LITAF: variants seen among roughly 807,000 people sequenced by gnomAD.
The protein encoded by LITAF is lipopolysaccharide-induced tumor necrosis factor-alpha factor.
Under a neutral mutation model 14.5 loss-of-function variants are expected in LITAF, and 9 were observed. The observed-to-expected ratio is 0.62, with a 90% CI of 0.37 to 1.08. The LOEUF (loss-of-function observed/expected upper bound fraction) is 1.08, where lower values mean the gene tolerates loss of function less well. Ranked by LOEUF, LITAF falls within the 50% of genes least tolerant of loss-of-function variation. The pLI is 0.01. For missense variants in LITAF, 206 were observed against 213.4 expected, an observed-to-expected ratio of 0.97 and a Z score of 0.22; for synonymous variants, 98 against 88.2, an observed-to-expected ratio of 1.11 and a Z score of -0.62.
At chr16:11,567,756 G>C (rs1259827018) in intron 1 of LITAF, among the ~76,000 whole-genome samples, 1 of 152,012 alleles carries the variant, frequency 6.6e-6, no homozygotes, top group Non-Finnish European at 1.5e-5. Flanking sequence ...AGGCCGAGGT[G>C]GGCGGATCAC....
At chr16:11,596,950 C>G (rs572801097) in intron 1 of LITAF, among the ~76,000 whole-genome samples, 11 of 152,212 alleles carry the variant, frequency 7.2e-5, no homozygotes, top group African/African-American at 2.6e-4. Flanking sequence ...TTACAACAAT[C>G]CAGCTGTTTT....
chr16:11,609,655 G>A (rs1485254788), intron 3 of LITAF, among the ~76,000 whole-genome samples: 1 of 152,200 alleles, frequency 6.6e-6, no homozygotes, highest in African/African-American at 2.4e-5. Context: ...CTGCGTGACC[G>A]TGAGCAAGTT....
intron 2 of LITAF, among the ~76,000 whole-genome samples, chr16:11,554,778 A>T (rs1187799744): frequency 1.5e-5 from 2 of 129,210 alleles, no homozygotes; most frequent in Non-Finnish European, 3.2e-5. Flanking sequence ...ACAGAACAAG[A>T]CTCTACCTCA....
At chr16:11,626,036 G>A (rs552168820) in intron 3 of LITAF, among the ~76,000 whole-genome samples, 8 of 152,218 alleles carry the variant, frequency 5.3e-5, no homozygotes, top group East Asian at 1.9e-4. Context: ...GATCCCATGC[G>A]CTTAGTAAAT....
chr16:11,568,773 G>A (rs1212164643), intron 1 of LITAF, among the ~76,000 whole-genome samples: 4 of 146,788 alleles, frequency 2.7e-5, no homozygotes, highest in Non-Finnish European at 6.0e-5. Context: ...TCCACCTCCC[G>A]GGTTCAAGCG....
intron 1 of LITAF, among the ~76,000 whole-genome samples, chr16:11,565,373 G>C (rs949724971): frequency 2.8e-5 from 4 of 144,708 alleles, no homozygotes; most frequent in African/African-American, 1.0e-4. Flanking sequence ...ATGGGCCACC[G>C]CGCCTGGCCT....
At chr16:11,633,272 C>T (rs1368340147) in intron 3 of LITAF, among the ~76,000 whole-genome samples, 7 of 152,200 alleles carry the variant, frequency 4.6e-5, no homozygotes, top group Admixed American at 4.6e-4. Context: ...CCAATCTCAG[C>T]TCTGCAACCT....
intron 3 of LITAF, among the ~76,000 whole-genome samples, chr16:11,624,643 C>T (rs1048093635): frequency 9.9e-5 from 15 of 152,234 alleles, no homozygotes; most frequent in Non-Finnish European, 2.1e-4. Flanking sequence ...TTTATATTCA[C>T]TATCACCCTA....
chr16:11,598,295 T>G (rs1352363083), intron 1 of LITAF: 3 of 151,052 alleles, frequency 2.0e-5, no homozygotes, highest in Non-Finnish European at 4.4e-5. Flanking sequence ...GCCTTTTTTT[T>G]TTTTTTGCCC....
intron 3 of LITAF, among the ~76,000 whole-genome samples, chr16:11,614,094 T>C (rs79070425): frequency 0.046 from 7,022 of 152,108 alleles, 579 homozygotes; most frequent in African/African-American, 0.16. Context: ...CTCAGAAGGA[T>C]GTCCTAGTCT....
chr16:11,585,601 A>G (rs189610412), intron 1 of LITAF, among the ~76,000 whole-genome samples: 12 of 152,302 alleles, frequency 7.9e-5, no homozygotes, highest in Admixed American at 7.8e-4. Context: ...CTCTGTAGGC[A>G]TCTGGGTTAG....
chr16:11,610,796 T>C (rs980626878), intron 3 of LITAF, among the ~76,000 whole-genome samples: 1 of 152,128 alleles, frequency 6.6e-6, no homozygotes, highest in Non-Finnish European at 1.5e-5. Context: ...CAAGGCAACC[T>C]GTAATGTACC....
chr16:11,571,607 C>G (rs2064542079), intron 1 of LITAF, among the ~76,000 whole-genome samples: 1 of 152,190 alleles, frequency 6.6e-6, no homozygotes, highest in African/African-American at 2.4e-5. Context: ...AACCTCCCAC[C>G]TGAACCCCCA....
At chr16:11,606,498 C>T (rs973521393) in intron 3 of LITAF, among the ~76,000 whole-genome samples, 34 of 152,026 alleles carry the variant, frequency 2.2e-4, no homozygotes, top group African/African-American at 5.6e-4. Context: ...ATTAAAAGTA[C>T]GCACATGAAT....
upstream of LITAF, among the ~76,000 whole-genome samples, chr16:11,589,785 GT>G (rs34570896): frequency 2.2e-4 from 33 of 150,056 alleles, no homozygotes; most frequent in Admixed American, 1.8e-3. Context: ...TGCCCAGCTA[GT>G]TTTTTTTTGT....
intron 3 of LITAF, among the ~76,000 whole-genome samples, chr16:11,623,189 C>T (rs1448174023): frequency 6.6e-6 from 1 of 151,380 alleles, no homozygotes; most frequent in Non-Finnish European, 1.5e-5. Context: ...TCTCGATCTC[C>T]TGACCTTGTG....
chr16:11,625,265 C>CTT lies in LITAF; in HGVS notation c.85+8266_85+8267dup, dbSNP rs112259926. On this transcript the variant is annotated intron_variant, in intron 3 of 3. Transcript: ENST00000574848. ...TCTCCCGAGATCACCTCCCAAAAACCTTTTTTTTTTTTTTTGAGACAGGGT... is the reference window on the plus strand; with the variant it reads ...TCTCCCGAGATCACCTCCCAAAAACCTTTTTTTTTTTTTTTTTGAGACAGGGT... 1.8e-3 allele frequency among the ~76,000 whole-genome samples: 245 copies of CTT among 139,242 alleles called. 4 individuals carry two copies. The highest frequency in any genetic ancestry group is 5.4e-3 in the African/African-American group (201 of 37,062). The allele number at this position is 139,242 out of a possible 152,430, so 91.3% of individuals were successfully genotyped here.
chr16:11,606,638 C>T (rs960377849), intron 3 of LITAF, among the ~76,000 whole-genome samples: 1 of 151,776 alleles, frequency 6.6e-6, no homozygotes, highest in African/African-American at 2.4e-5. Flanking sequence ...ACCATAGTAT[C>T]TCTGAGGTAT....
chr16:11,555,043 TG>T (rs1039212139), intron 2 of LITAF, among the ~76,000 whole-genome samples: 9 of 152,192 alleles, frequency 5.9e-5, no homozygotes, highest in African/African-American at 2.2e-4. Context: ...AATTTTTTTT[TG>T]GCAGGGGGGA....
Sources: gnomAD v4.1 joint callset for allele counts (sites outside exome capture counted in the v4.1 genomes callset) on GRCh38, gnomAD v4.1.1 for gene constraint, MANE v1.5 for transcripts, NCBI Gene and HGNC (gene_info 2026-07-23, HGNC 2026-07-21) for gene names.